Variants in MYO5B observed in about 807,000 individuals in gnomAD.
MYO5B encodes the protein myosin VB, also known as unconventional myosin-Vb.
MYO5B carries 143 observed loss-of-function variants against 229.3 expected under a neutral mutation model. The observed-to-expected ratio is 0.62, with a 90% CI of 0.54 to 0.72. The LOEUF is 0.72. MYO5B is among the 30% of genes least tolerant of loss of function. The pLI, the probability that MYO5B is intolerant of heterozygous loss-of-function variation, is 0.00. For missense variants in MYO5B, 2,321 were observed against 2,331.0 expected (o/e 1.00, Z 0.09); for synonymous variants, 918 against 885.2 (o/e 1.04, Z -0.66).
chr18:49,826,728 C>T (rs530649883), intron 39 of MYO5B, 105 bp from the exon 40 acceptor site: 29 of 1,353,030 alleles, frequency 2.1e-5, no homozygotes, highest in South Asian at 5.9e-5. Context: ...AAGATTTCTA[C>T]GACAATTAGG....
chr18:50,194,217 C>T (rs1433216545), intron 1 of MYO5B, among the ~76,000 whole-genome samples: 1 of 152,238 alleles, frequency 6.6e-6, no homozygotes, highest in Non-Finnish European at 1.5e-5. Context: ...AGGTTGTCTC[C>T]TCCCTCTCCA....
intron 5 of MYO5B, among the ~76,000 whole-genome samples, chr18:49,994,145 G>A (rs2025961964): frequency 6.6e-6 from 1 of 152,062 alleles, no homozygotes; most frequent in East Asian, 1.9e-4. Context: ...CTGATCCCGA[G>A]ACTAGGGGAG....
rs1450886788 is a variant in MYO5B, at chr18:49,916,157, T to A, written c.2091-3984A>T. The stretch of plus-strand genomic sequence containing the variant: ...CTTGCTTTAGTTCTCCTTAAGAGTT[T>A]GCAATTTCACTGGGGAAATAATTGA... On this transcript the variant is annotated intron_variant, in intron 17 of 39. Coordinates refer to ENST00000285039, the MANE Select transcript of MYO5B (RefSeq NM_001080467.3). Among the ~76,000 whole-genome samples the A allele has an allele frequency of 2.6e-5, 4 of 152,384 alleles. No individual in the cohort carries two copies. In the East Asian group the frequency reaches 7.7e-4, roughly 29 times the overall value.
intron 2 of MYO5B, among the ~76,000 whole-genome samples, chr18:50,053,830 G>A (rs777014841): frequency 6.6e-5 from 10 of 152,202 alleles, no homozygotes; most frequent in Non-Finnish European, 1.3e-4. Flanking sequence ...GAAATGATCA[G>A]AGGATATGGT....
intron 4 of MYO5B, among the ~76,000 whole-genome samples, chr18:50,022,258 G>A (rs1264793596): frequency 6.6e-6 from 1 of 152,160 alleles, no homozygotes. Flanking sequence ...GTGCCTTAGG[G>A]AAGATGTATA....
chr18:49,844,979 G>A (rs2024107143), intron 33 of MYO5B, among the ~76,000 whole-genome samples: 1 of 152,164 alleles, frequency 6.6e-6, no homozygotes, highest in Non-Finnish European at 1.5e-5. Context: ...TGTTTGGATG[G>A]GGTCTTTTGG....
At chr18:49,907,687 A>G (rs138703554) in intron 18 of MYO5B, among the ~76,000 whole-genome samples, 15 of 152,384 alleles carry the variant, frequency 9.8e-5, no homozygotes, top group African/African-American at 3.6e-4. Flanking sequence ...TTCATAGGTT[A>G]AGCCCTATTG....
chr18:50,129,105 G>A (rs1376498819), intron 1 of MYO5B, among the ~76,000 whole-genome samples: 2 of 152,214 alleles, frequency 1.3e-5, no homozygotes, highest in Non-Finnish European at 2.9e-5. Flanking sequence ...TGTGAAAGGA[G>A]CCCAGGCCAG....
intron 22 of MYO5B, among the ~76,000 whole-genome samples, chr18:49,884,236 T>G (rs2024619575): frequency 6.6e-6 from 1 of 152,196 alleles, no homozygotes; most frequent in Non-Finnish European, 1.5e-5. Context: ...ATCTGATACA[T>G]CAGCAGTCTC....
At chr18:50,037,474 T>A (rs1284141423) in intron 3 of MYO5B, among the ~76,000 whole-genome samples, 3 of 152,198 alleles carry the variant, frequency 2.0e-5, no homozygotes, top group Admixed American at 2.0e-4. Context: ...TATCTTGAGA[T>A]CTAATCTTGG....
At chr18:49,855,506 A>C (rs1186464986) in intron 30 of MYO5B, among the ~76,000 whole-genome samples, 1 of 152,254 alleles carries the variant, frequency 6.6e-6, no homozygotes, top group Non-Finnish European at 1.5e-5. Flanking sequence ...TCCTTCCTCC[A>C]ATAAAACAAA....
intron 6 of MYO5B, among the ~76,000 whole-genome samples, 178 bp from the exon 7 acceptor site, chr18:49,990,698 T>C (rs908892961): frequency 1.3e-5 from 2 of 152,352 alleles, no homozygotes; most frequent in Non-Finnish European, 2.9e-5. Flanking sequence ...TTCACTCTTA[T>C]GGGGACTTCT....
intron 14 of MYO5B, among the ~76,000 whole-genome samples, chr18:49,942,510 A>T (rs542233628): frequency 2.5e-4 from 38 of 152,006 alleles, no homozygotes; most frequent in Middle Eastern, 3.4e-3. Context: ...ACTCAAACAA[A>T]TTTACAAGAA....
At position 50,073,008 on chromosome 18, in the gene MYO5B, T is replaced by C. The variant is rs537137097; in HGVS notation, c.28-17630A>G. On this transcript the variant is annotated intron_variant, in intron 1 of 39. Coordinates refer to ENST00000285039, the MANE Select transcript of MYO5B (RefSeq NM_001080467.3). The stretch of plus-strand genomic sequence containing the variant: ...TGGGAGGCAAGTTCCAAAAGGCAGG[T>C]TGGAGTCACATCGTAGCCAAAGATT... 8.5e-5 allele frequency among the ~76,000 whole-genome samples: 13 copies of C among 152,324 alleles called. No individual in the cohort carries two copies. In the South Asian group the frequency reaches 1.9e-3, roughly 22 times the overall value.
intron 2 of MYO5B, among the ~76,000 whole-genome samples, chr18:50,047,529 T>C (rs1342436475): frequency 1.3e-5 from 2 of 152,208 alleles, no homozygotes; most frequent in Non-Finnish European, 2.9e-5. Flanking sequence ...GAAGTCAGTG[T>C]GGCGATTCCT....
intron 12 of MYO5B, among the ~76,000 whole-genome samples, chr18:49,959,471 C>G (rs2025532517): frequency 6.6e-6 from 1 of 152,222 alleles, no homozygotes; most frequent in East Asian, 1.9e-4. Flanking sequence ...AGAGTAAATC[C>G]TCCTGACAGC....
intron 1 of MYO5B, 122 bp from the exon 2 acceptor site, chr18:50,055,500 C>T: frequency 1.3e-6 from 1 of 752,306 alleles, no homozygotes; most frequent in East Asian, 2.6e-5. Flanking sequence ...CACATCTCCC[C>T]ACCTTCTCAT....
intron 30 of MYO5B, among the ~76,000 whole-genome samples, chr18:49,856,372 T>C (rs919821316): frequency 1.3e-5 from 2 of 152,194 alleles, no homozygotes; most frequent in African/African-American, 4.8e-5. Flanking sequence ...AGGTTACATT[T>C]GGAGCACAGC....
At position 50,038,739 on chromosome 18, in the gene MYO5B, T is replaced by C. The variant is rs76591923; in HGVS notation, c.310+1404A>G. ...GAGTCAAGATGCATTTGGATAAATA[T>C]GTACAGACACTGGGACATCTTAGAG... On this transcript the variant is annotated intron_variant, in intron 3 of 39. Transcript: ENST00000285039. Among the ~76,000 whole-genome samples the C allele has an allele frequency of 5.6e-3, 850 of 152,322 alleles. 13 individuals are homozygous for C. The highest frequency in any genetic ancestry group is 0.02 in the African/African-American group (825 of 41,580).
Sources: gnomAD v4.1 joint callset for allele counts (sites outside exome capture counted in the v4.1 genomes callset) on GRCh38, gnomAD v4.1.1 for gene constraint, MANE v1.5 for transcripts, NCBI Gene and HGNC (gene_info 2026-07-23, HGNC 2026-07-21) for gene names.